The following KCTD8 variants were observed in gnomAD, a reference collection of about 807,000 sequenced individuals.
KCTD8 encodes the protein potassium channel tetramerization domain containing 8, also known as BTB/POZ domain-containing protein KCTD8.
In KCTD8, 27 loss-of-function variants were observed where a neutral mutation model predicts 31.5. The ratio of observed to expected loss-of-function variants is 0.86; its 90% CI spans 0.63 to 1.18. The LOEUF is 1.18. Among genes scored for constraint, KCTD8 ranks in the 50% most tolerant of loss-of-function variants. KCTD8 has a pLI of 0.00. For missense variants in KCTD8, 658 were observed against 647.7 expected (o/e 1.02, Z -0.17); for synonymous variants, 290 against 280.0 (o/e 1.04, Z -0.36).
intron 1 of KCTD8, among the ~76,000 whole-genome samples, chr4:44,176,879 C>CTATCTATCTATT: frequency 6.6e-6 from 1 of 152,046 alleles, no homozygotes; most frequent in South Asian, 2.1e-4. Context: ...ATCTATCTAT[C>CTATCTATCTATT]TATCTATCTA....
At chr4:44,334,117 T>C (rs954098628) in intron 1 of KCTD8, among the ~76,000 whole-genome samples, 7 of 152,078 alleles carry the variant, frequency 4.6e-5, no homozygotes, top group African/African-American at 1.7e-4. Flanking sequence ...TATATTGAAC[T>C]TAGCACCCTA....
At chr4:44,234,329 G>A (rs1266942975) in intron 1 of KCTD8, among the ~76,000 whole-genome samples, 1 of 152,112 alleles carries the variant, frequency 6.6e-6, no homozygotes, top group Non-Finnish European at 1.5e-5. Flanking sequence ...ACACTAGGAG[G>A]CTCCAATCTA....
chr4:44,264,521 C>A (rs1365166040), intron 1 of KCTD8, among the ~76,000 whole-genome samples: 1 of 152,142 alleles, frequency 6.6e-6, no homozygotes, highest in Admixed American at 6.5e-5. Flanking sequence ...CTAGGGAGTG[C>A]CAGACAGTGG....
intron 1 of KCTD8, among the ~76,000 whole-genome samples, chr4:44,291,357 CA>C (rs914486625): frequency 5.9e-5 from 9 of 151,890 alleles, no homozygotes; most frequent in Admixed American, 5.9e-4. Flanking sequence ...TTTGATTTTC[CA>C]AAAAATTGTC....
intron 1 of KCTD8, among the ~76,000 whole-genome samples, chr4:44,335,632 A>C (rs1056302256): frequency 1.3e-5 from 2 of 152,214 alleles, no homozygotes; most frequent in Admixed American, 6.5e-5. Context: ...GTTTTCTTTG[A>C]GAACTATTTG....
Position 44,323,917 on chromosome 4 carries a change from T to C in KCTD8, c.961+123646A>G, listed in dbSNP as rs569436685. ...CCATTATAGACTGTTCTAGGAGGGA[T>C]AGCATTGGGAGATATACCTAATGCT... On this transcript the variant is annotated intron_variant, in intron 1 of 1. Coordinates refer to ENST00000360029, the MANE Select transcript of KCTD8 (RefSeq NM_198353.3). Among the ~76,000 whole-genome samples the C allele has an allele frequency of 1.8e-4, 28 of 151,994 alleles. No homozygotes were observed. The East Asian group carries it at 4.6e-3, about 25-fold the overall frequency.
chr4:44,243,814 G>A (rs930215999), intron 1 of KCTD8, among the ~76,000 whole-genome samples: 1 of 152,194 alleles, frequency 6.6e-6, no homozygotes, highest in African/African-American at 2.4e-5. Context: ...GAGAATGGCT[G>A]GTGATAGAAA....
At chr4:44,209,637 A>C (rs1434214560) in intron 1 of KCTD8, among the ~76,000 whole-genome samples, 3 of 152,112 alleles carry the variant, frequency 2.0e-5, no homozygotes, top group Admixed American at 1.3e-4. Flanking sequence ...ACCAGCATTC[A>C]TTGAGCTTGT....
chr4:44,352,054 C>A (rs781622030), intron 1 of KCTD8, among the ~76,000 whole-genome samples: 4 of 152,034 alleles, frequency 2.6e-5, no homozygotes, highest in Admixed American at 2.0e-4. Flanking sequence ...CTGGCCACTA[C>A]TGTGGACTCA....
intron 1 of KCTD8, among the ~76,000 whole-genome samples, chr4:44,290,104 T>A (rs1717226032): frequency 6.6e-6 from 1 of 151,410 alleles, no homozygotes; most frequent in Non-Finnish European, 1.5e-5. Context: ...AAGATCAAAG[T>A]AAAGGGATGG....
intron 1 of KCTD8, among the ~76,000 whole-genome samples, chr4:44,383,733 A>G (rs1444435561): frequency 1.3e-5 from 2 of 152,018 alleles, no homozygotes; most frequent in Non-Finnish European, 1.5e-5. Flanking sequence ...AAACACACAC[A>G]CACAAAGAAA....
At chr4:44,213,040 C>T (rs574055882) in intron 1 of KCTD8, among the ~76,000 whole-genome samples, 1 of 152,204 alleles carries the variant, frequency 6.6e-6, no homozygotes, top group Admixed American at 6.5e-5. Context: ...CCTGTTCACG[C>T]CATCCTCCTG....
At chr4:44,341,023 T>C (rs370469747) in intron 1 of KCTD8, among the ~76,000 whole-genome samples, 92 of 152,256 alleles carry the variant, frequency 6.0e-4, no homozygotes, top group African/African-American at 2.0e-3. Context: ...GATGAACTTA[T>C]GTACAGCCAT....
intron 1 of KCTD8, among the ~76,000 whole-genome samples, chr4:44,376,749 G>C (rs187218821): frequency 1.3e-5 from 2 of 152,196 alleles, no homozygotes; most frequent in African/African-American, 4.8e-5. Context: ...AGCACCAACA[G>C]AGAAGTACTT....
chr4:44,345,474 T>C (rs1719012890), intron 1 of KCTD8, among the ~76,000 whole-genome samples: 1 of 152,054 alleles, frequency 6.6e-6, no homozygotes, highest in African/African-American at 2.4e-5. Context: ...ATTCAACCTG[T>C]AGAGATAGTT....
In KCTD8 at chr4:44,221,701, A is replaced by C. The variant is rs146034779; in HGVS notation, c.962-46451T>G. ...TATTTGAGGGCAGCAAGCATCCAGC[A>C]TGGGAGAAAGATGGATGCCAGAAGA... On this transcript the variant is annotated intron_variant, in intron 1 of 1. Transcript: ENST00000360029. Among the ~76,000 whole-genome samples the C allele has an allele frequency of 2.0e-5, 3 of 152,268 alleles. No individual in the cohort carries two copies. The East Asian group carries it at 5.8e-4, about 29-fold the overall frequency.
chr4:44,369,813 T>TAA (rs57467355), intron 1 of KCTD8, among the ~76,000 whole-genome samples: 4 of 146,818 alleles, frequency 2.7e-5, no homozygotes, highest in South Asian at 2.2e-4. Flanking sequence ...AATATAAAAA[T>TAA]AAAAAAAAAA....
chr4:44,212,922 CTTTG>C (rs1203546631), intron 1 of KCTD8, among the ~76,000 whole-genome samples: 1 of 151,738 alleles, frequency 6.6e-6, no homozygotes, highest in East Asian at 1.9e-4. Flanking sequence ...CTTCTTTTGT[CTTTG>C]TTTTTTTGTT....
intron 1 of KCTD8, among the ~76,000 whole-genome samples, chr4:44,357,458 A>G (rs1719372848): frequency 6.6e-6 from 1 of 152,184 alleles, no homozygotes; most frequent in Admixed American, 6.5e-5. Flanking sequence ...AATTCCTACT[A>G]TGGCTCTAAA....
Sources: gnomAD v4.1 joint callset for allele counts (sites outside exome capture counted in the v4.1 genomes callset) on GRCh38, gnomAD v4.1.1 for gene constraint, MANE v1.5 for transcripts, NCBI Gene and HGNC (gene_info 2026-07-23, HGNC 2026-07-21) for gene names.